ADAM12: variants seen among roughly 807,000 people sequenced by gnomAD.
ADAM12 encodes the protein disintegrin and metalloproteinase domain-containing protein 12.
In ADAM12, 70 loss-of-function variants were observed where a neutral mutation model predicts 106.4. The ratio of observed to expected loss-of-function variants is 0.66; its 90% CI spans 0.54 to 0.80. The LOEUF (loss-of-function observed/expected upper bound fraction) is 0.80, where lower values mean the gene tolerates loss of function less well. Among genes scored for constraint, ADAM12 ranks in the 30% least tolerant of loss-of-function variants. The pLI is 0.00. For missense variants in ADAM12, 1,010 were observed against 1,171.9 expected (o/e 0.86, Z 2.02); for synonymous variants, 420 against 433.5 (o/e 0.97, Z 0.39).
At position 126,066,469 on chromosome 10, in the gene ADAM12, G is replaced by T. The variant is rs1954871079; in HGVS notation, c.1413+248C>A. On this transcript the variant is annotated intron_variant, in intron 13 of 22. Coordinates refer to ENST00000448723, the MANE Select transcript of ADAM12 (RefSeq NM_001288973.2). This position sits in a 1 kb window ranked among gnomAD's most constrained non-coding sequence, Gnocchi z 5.1. ...TTTAAAGTTGAACTAGGGTTTATCG[G>T]TCTGATCAGTTGTCAGCCCCTAAAT... is the stretch of plus-strand genomic sequence containing the variant. 6.6e-6 allele frequency among the ~76,000 whole-genome samples: 1 copy of T among 152,214 alleles called. No homozygotes were observed.
chr10:126,144,761 C>A (rs1956594288), intron 4 of ADAM12, among the ~76,000 whole-genome samples: 1 of 152,198 alleles, frequency 6.6e-6, no homozygotes, highest in African/African-American at 2.4e-5. Context: ...TCAGAAGGAA[C>A]ATATGGTACA....
chr10:126,339,979 G>T (rs751813872), intron 1 of ADAM12, among the ~76,000 whole-genome samples: 44 of 150,252 alleles, frequency 2.9e-4, no homozygotes, highest in Admixed American at 1.7e-3. Flanking sequence ...TTCAGCCTCC[G>T]GAGTAGCTGG....
rs750982158 is a variant in ADAM12, at chr10:126,064,669, C to T, written c.1609+137G>A. 301 of 954,172 alleles carry T rather than the reference C, an allele frequency of 3.2e-4. No homozygotes were observed. Among genetic ancestry groups the T allele is most frequent in the Non-Finnish European group, 4.2e-4 (274 of 647,024 alleles). 59.1% of individuals were successfully genotyped at this position (954,172 alleles called of 1,614,324 possible). On this transcript the variant is annotated intron_variant, in intron 14 of 22. Transcript: ENST00000448723. The surrounding 1 kb of genome is among the most constrained non-coding windows in gnomAD (Gnocchi z 4.4). ...ACCCTCCCTGGGAGTCAATCACTCC[C>T]GACTGAACACACCGGATGCTGTGTG...
chr10:126,348,861 C>T (rs1157895849), intron 1 of ADAM12, among the ~76,000 whole-genome samples: 1 of 152,056 alleles, frequency 6.6e-6, no homozygotes, highest in Admixed American at 6.5e-5. Flanking sequence ...AAATATGTCC[C>T]ATGCAATACT....
At chr10:126,268,232 T>A (rs1959139089) in intron 3 of ADAM12, among the ~76,000 whole-genome samples, 1 of 152,246 alleles carries the variant, frequency 6.6e-6, no homozygotes, top group South Asian at 2.1e-4. Flanking sequence ...TCGCATAATA[T>A]TTGTCCTTTA....
At chr10:126,229,677 T>G (rs1483624142) in intron 3 of ADAM12, among the ~76,000 whole-genome samples, 1 of 136,394 alleles carries the variant, frequency 7.3e-6, no homozygotes, top group East Asian at 2.5e-4. Flanking sequence ...CTATTCTCTT[T>G]ATCTCTCCCG....
rs71029289 is a variant in ADAM12, at chr10:126,131,104, CTTTT to C, written c.416+4476_416+4479del. Among the ~76,000 whole-genome samples the C allele has an allele frequency of 4.6e-4, 46 of 100,914 alleles. No individual in the cohort carries two copies. The East Asian group carries it at 9.6e-3, about 21-fold the overall frequency. The allele number at this position is 100,914 out of a possible 152,430, so 66.2% of individuals were successfully genotyped here. A position where few individuals can be genotyped will look rare whatever the true frequency, so the allele number is the denominator to read the frequency against. On this transcript the variant is annotated intron_variant, in intron 5 of 22. Coordinates refer to ENST00000448723, the MANE Select transcript of ADAM12 (RefSeq NM_001288973.2). ...AGTGTCCCTGGCTCTCAGCTGTCTTCTTTTTTTTTTTTTTTTTTTTTTTTTTTTT... is the reference window on the plus strand; with the variant it reads ...AGTGTCCCTGGCTCTCAGCTGTCTTCTTTTTTTTTTTTTTTTTTTTTTTTT...
chr10:126,056,657 T>TAATGA, intron 14 of ADAM12, among the ~76,000 whole-genome samples: 3 of 31,880 alleles, frequency 9.4e-5, no homozygotes, highest in Non-Finnish European at 1.5e-4. Flanking sequence ...TGTGTCCATG[T>TAATGA]GATCTCATTG....
At position 126,117,576 on chromosome 10, in the gene ADAM12, C is replaced by T. The variant is rs148422559; in HGVS notation, c.603+462G>A. Among the ~76,000 whole-genome samples the T allele has an allele frequency of 1.6e-3, 244 of 152,134 alleles. 2 individuals carry two copies. The East Asian group carries it at 0.019, about 12-fold the overall frequency. On this transcript the variant is annotated intron_variant, in intron 6 of 22. Coordinates refer to ENST00000448723, the MANE Select transcript of ADAM12 (RefSeq NM_001288973.2). ...GAATTCTCTGCAAATTATAAGAACCCAAACTTGCTAATAAGGAAGGCTCTA... is the reference window on the plus strand; with the variant it reads ...GAATTCTCTGCAAATTATAAGAACCTAAACTTGCTAATAAGGAAGGCTCTA...
rs768619926 is a variant in ADAM12, at chr10:126,278,892, G to T, written c.260+23C>A. On this transcript the variant is annotated intron_variant, in intron 3 of 22. Coordinates refer to ENST00000448723, the MANE Select transcript of ADAM12 (RefSeq NM_001288973.2). ...TGGTGTCTTAACTTTCTCCTATCAT[G>T]CAATAAACAAGAATTAACTTACTCA... is the stretch of plus-strand genomic sequence containing the variant. 2.2e-5 allele frequency: 34 copies of T among 1,561,072 alleles called. No individual in the cohort carries two copies. In the East Asian group the frequency reaches 7.7e-4, roughly 35 times the overall value.
At position 126,090,142 on chromosome 10, in the gene ADAM12, A is replaced by G. The variant is rs1027452521; in HGVS notation, c.1145+3843T>C. 9.2e-5 allele frequency among the ~76,000 whole-genome samples: 14 copies of G among 151,898 alleles called. No homozygotes were observed. In the East Asian group the frequency reaches 1.9e-3, roughly 21 times the overall value. ...TTTCAACTCTTTTCACCACTAGAAC[A>G]CCAGTTCCAAGAGGGCAAGAAACAG... On this transcript the variant is annotated intron_variant, in intron 11 of 22. Coordinates refer to ENST00000448723, the MANE Select transcript of ADAM12 (RefSeq NM_001288973.2).
At chr10:126,068,124 T>C (rs1239982190) in intron 12 of ADAM12, among the ~76,000 whole-genome samples, 1 of 152,210 alleles carries the variant, frequency 6.6e-6, no homozygotes, top group Non-Finnish European at 1.5e-5. Flanking sequence ...CCAGAAGTCA[T>C]AGCTGTAACT....
intron 6 of ADAM12, among the ~76,000 whole-genome samples, chr10:126,112,306 C>A (rs558192449): frequency 6.5e-4 from 98 of 149,726 alleles, no homozygotes; most frequent in African/African-American, 2.3e-3. Context: ...ACCTATGTAA[C>A]AAACCTGCAC....
rs115868808 is a variant in ADAM12 at position 126,311,417 on chromosome 10, A to C, written c.186+18995T>G. On this transcript the variant is annotated intron_variant, in intron 2 of 22. Transcript: ENST00000448723. ...GAGCAGATGAGACCTTTGTGGCATA[A>C]GGAACATGTATCTGGTCTCTGCCCC... 3.0e-3 allele frequency among the ~76,000 whole-genome samples: 464 copies of C among 152,298 alleles called. 5 individuals are homozygous for C. The highest frequency in any genetic ancestry group is 0.011 in the African/African-American group (446 of 41,568).
intron 6 of ADAM12, among the ~76,000 whole-genome samples, chr10:126,110,210 G>A (rs1324789534): frequency 3.3e-5 from 5 of 152,116 alleles, no homozygotes; most frequent in Admixed American, 3.3e-4. Flanking sequence ...CAGACCACGT[G>A]TAGGTCTTCT....
At chr10:126,145,170 T>C (rs189147776) in intron 4 of ADAM12, among the ~76,000 whole-genome samples, 47 of 152,258 alleles carry the variant, frequency 3.1e-4, no homozygotes, top group Admixed American at 6.5e-4. Context: ...CATCCTCCCT[T>C]CTGCAGACTT....
chr10:126,363,782 C>T (rs1855817383), intron 1 of ADAM12, among the ~76,000 whole-genome samples: 1 of 152,214 alleles, frequency 6.6e-6, no homozygotes, highest in Non-Finnish European at 1.5e-5. Context: ...CCTGCCCAGC[C>T]TAAATCCCTG....
At chr10:126,355,027 GT>G (rs1855489888) in intron 1 of ADAM12, among the ~76,000 whole-genome samples, 1 of 152,066 alleles carries the variant, frequency 6.6e-6, no homozygotes, top group African/African-American at 2.4e-5. Context: ...GGAAAAAAAT[GT>G]TGAAAGGTAA....
rs532152655 is a variant in ADAM12, at chr10:126,171,868, C to T, written c.261-16563G>A. The stretch of plus-strand genomic sequence containing the variant: ...CATTTTCACACAACAATCTTGCACG[C>T]AAAGTTGGGAATTAGGATGACATCA... On this transcript the variant is annotated intron_variant, in intron 3 of 22. Coordinates refer to ENST00000448723, the MANE Select transcript of ADAM12 (RefSeq NM_001288973.2). 2.6e-5 allele frequency among the ~76,000 whole-genome samples: 4 copies of T among 152,240 alleles called. No homozygotes were observed. The South Asian group carries it at 8.3e-4, about 32-fold the overall frequency.
Sources: gnomAD v4.1 joint callset for allele counts (sites outside exome capture counted in the v4.1 genomes callset) on GRCh38, gnomAD v4.1.1 for gene constraint, Gnocchi (gnomAD v3.1) non-coding constraint, MANE v1.5 for transcripts, NCBI Gene and HGNC (gene_info 2026-07-23, HGNC 2026-07-21) for gene names.